ZBTB49: variants seen among roughly 807,000 people sequenced by gnomAD.
ZBTB49 encodes zinc finger and BTB domain-containing protein 49.
Under a neutral mutation model 57.5 loss-of-function variants are expected in ZBTB49, and 43 were observed. The observed-to-expected ratio is 0.75, with a 90% CI of 0.59 to 0.97. The LOEUF (loss-of-function observed/expected upper bound fraction) is 0.97, where lower values mean the gene tolerates loss of function less well. ZBTB49 is among the 50% of genes least tolerant of loss of function. ZBTB49 has a pLI of 0.00. For synonymous variants in ZBTB49, 369 were observed against 362.1 expected, an observed-to-expected ratio of 1.02 and a Z score of -0.22; for missense variants, 938 against 947.7, an observed-to-expected ratio of 0.99 and a Z score of 0.13.
chr4:4,299,803 G>GTGTC, intron 1 of ZBTB49, 124 bp from the exon 2 acceptor site: 1 of 742,542 alleles, frequency 1.3e-6, no homozygotes, highest in Non-Finnish European at 2.2e-6. Flanking sequence ...GTGTGTGTGT[G>GTGTC]TGTGTGTGAG....
At chr4:4,311,347 A>G (rs1720973668) in intron 4 of ZBTB49, among the ~76,000 whole-genome samples, 3 of 152,262 alleles carry the variant, frequency 2.0e-5, no homozygotes, top group Non-Finnish European at 4.4e-5. Context: ...AGATGGTGCT[A>G]TTCCGATTAT....
chr4:4,292,694 G>A (rs1034297592), intron 1 of ZBTB49, among the ~76,000 whole-genome samples: 1 of 152,198 alleles, frequency 6.6e-6, no homozygotes, highest in African/African-American at 2.4e-5. Flanking sequence ...ATGATGATGG[G>A]CAGACTCCTT....
At chr4:4,313,205 A>T in intron 5 of ZBTB49, 91 bp downstream of exon 5, 8 of 1,465,400 alleles carry the variant, frequency 5.5e-6, no homozygotes, top group Non-Finnish European at 6.6e-6. Flanking sequence ...GGTGGCTCAC[A>T]GATGAGCCAC....
At position 4,320,833 on chromosome 4, in the gene ZBTB49, C is replaced by T. The variant is rs1204949612; in HGVS notation, c.1815C>T (p.Thr605=). ...AGGAGCTCAGCCAAGCCATCGAGAC[C>T]TCCGACCTCGAGAAATCTCAGAGCT... is the stretch of plus-strand genomic sequence containing the variant. The part of the protein sequence containing the change: ...VLEELSQAIE[T]SDLEKSQSSD... The change falls in exon 8 of 8, where the codon ACC becomes ACT. Residue 605 remains threonine (T), a synonymous_variant. Coordinates refer to ENST00000337872, the MANE Select transcript of ZBTB49 (RefSeq NM_145291.4). The T allele has an allele frequency of 1.9e-6, 3 of 1,614,058 alleles. No homozygotes were observed. Among genetic ancestry groups the T allele is most frequent in the South Asian group, 2.2e-5 (2 of 91,082 alleles).
intron 1 of ZBTB49, among the ~76,000 whole-genome samples, chr4:4,292,079 C>T (rs563602462): frequency 6.6e-6 from 1 of 152,128 alleles, no homozygotes; most frequent in South Asian, 2.1e-4. Flanking sequence ...TTGACACCAG[C>T]CTGGCCAACA....
In ZBTB49 at chr4:4,302,831, G is replaced by T. The variant is rs1310667431; in HGVS notation, c.995G>T (p.Gly332Val). The change falls in exon 3 of 8, where the codon GGT becomes GTT. Residue 332 changes from glycine (G) to valine (V), a missense_variant. Gly to Val is a moderately radical substitution (Grantham distance 109). This residue lies in a region of ZBTB49 where 835 missense variants were observed against 819.1 expected (regional missense o/e 1.02). Coordinates refer to ENST00000337872, the MANE Select transcript of ZBTB49 (RefSeq NM_145291.4). ...EQVSEPKSDD[G>V]LTKRLESASK... ...GTATCTGAACCCAAGTCAGATGATG[G>T]TTTGACAAAGAGGTTGGAATCTGCT... The T allele has an allele frequency of 2.5e-6, 4 of 1,613,842 alleles. No individual in the cohort carries two copies. In the African/African-American group the frequency reaches 4.0e-5, roughly 16 times the overall value.
chr4:4,313,956 A>G (rs1168053293), intron 5 of ZBTB49, among the ~76,000 whole-genome samples: 3 of 152,196 alleles, frequency 2.0e-5, no homozygotes, highest in African/African-American at 7.2e-5. Flanking sequence ...AATAAACAGT[A>G]CAGAGTCTCT....
intron 3 of ZBTB49, among the ~76,000 whole-genome samples, chr4:4,303,756 C>G (rs201037626): frequency 0.4 from 37,218 of 93,266 alleles, 5,305 homozygotes; most frequent in Admixed American, 0.49. Flanking sequence ...CTCTCTCTCT[C>G]TCTCTGTGTG....
At chr4:4,291,655 G>C (rs193086459) in intron 1 of ZBTB49, among the ~76,000 whole-genome samples, 4 of 152,308 alleles carry the variant, frequency 2.6e-5, no homozygotes, top group Admixed American at 2.6e-4. Context: ...TTGTGCTCTC[G>C]TACTGTTTTT....
chr4:4,314,748 G>A (rs1486342460), intron 5 of ZBTB49, among the ~76,000 whole-genome samples: 2 of 152,238 alleles, frequency 1.3e-5, no homozygotes, highest in East Asian at 3.8e-4. Context: ...AAGCGTAGTG[G>A]AAAGGAAAGA....
chr4:4,291,190 C>A (rs1719889563), intron 1 of ZBTB49, among the ~76,000 whole-genome samples: 3 of 152,206 alleles, frequency 2.0e-5, no homozygotes, highest in Admixed American at 2.0e-4. Context: ...GTGGCTTAAA[C>A]AACAGAAATT....
At position 4,294,580 on chromosome 4, in the gene ZBTB49, C is replaced by T. The variant is rs200210541; in HGVS notation, c.-20+4228C>T. Among the ~76,000 whole-genome samples the T allele has an allele frequency of 4.6e-5, 7 of 152,228 alleles. No homozygotes were observed. The East Asian group carries it at 1.4e-3, about 29-fold the overall frequency. Reference sequence around the variant, plus strand: ...GTGTTGGCTAGACTGGTCTCGAACTCGTAGCCTTAGGTGATCCGCCTGCCT... The same window carrying T: ...GTGTTGGCTAGACTGGTCTCGAACTTGTAGCCTTAGGTGATCCGCCTGCCT... On this transcript the variant is annotated intron_variant, in intron 1 of 7. Transcript: ENST00000337872.
At chr4:4,295,662 G>A (rs2980164) in intron 1 of ZBTB49, among the ~76,000 whole-genome samples, 109,361 of 152,114 alleles carry the variant, frequency 0.72, 41,479 homozygotes, top group Non-Finnish European at 0.83. Flanking sequence ...GCCTACCATC[G>A]TGCCTTTCTT....
At chr4:4,316,471 C>T (rs545038949) in intron 7 of ZBTB49, among the ~76,000 whole-genome samples, 1 of 152,278 alleles carries the variant, frequency 6.6e-6, no homozygotes, top group Admixed American at 6.5e-5. Context: ...GATGAGGACA[C>T]GGAGGCTCAG....
At chr4:4,296,506 A>G (rs1199235327) in intron 1 of ZBTB49, among the ~76,000 whole-genome samples, 3 of 152,194 alleles carry the variant, frequency 2.0e-5, no homozygotes, top group African/African-American at 7.2e-5. Flanking sequence ...GCTGCCATCC[A>G]TGTAGGACAT....
rs1934474281 is a variant in ZBTB49 at position 4,302,376 on chromosome 4, A to G, written c.540A>G (p.Ser180=). 2 of 1,614,266 alleles carry G rather than the reference A, an allele frequency of 1.2e-6. No homozygotes were observed. The highest frequency in any genetic ancestry group is 1.7e-6 in the Non-Finnish European group (2 of 1,180,048). ...AATCGCATCCGCATGCTTCACCATC[A>G]GTTAATCGTCATCACTCCGCAGGTG... ...LDESHPHASP[S]VNRHHSAGEI... is the part of the protein sequence containing the mutation. The change falls in exon 3 of 8, where the codon TCA becomes TCG. Residue 180 remains serine (S), a synonymous_variant. Transcript: ENST00000337872.
chr4:4,305,084 T>C (rs981840408), intron 3 of ZBTB49, among the ~76,000 whole-genome samples: 1 of 152,116 alleles, frequency 6.6e-6, no homozygotes, highest in Non-Finnish European at 1.5e-5. Flanking sequence ...TAACTTATTA[T>C]CTGTCACCCC....
At chr4:4,295,785 C>T (rs1720168825) in intron 1 of ZBTB49, among the ~76,000 whole-genome samples, 1 of 152,064 alleles carries the variant, frequency 6.6e-6, no homozygotes, top group South Asian at 2.1e-4. Flanking sequence ...ATGCCAATAC[C>T]CCAAACCCTA....
intron 1 of ZBTB49, among the ~76,000 whole-genome samples, chr4:4,295,012 A>G (rs188434193): frequency 2.0e-4 from 30 of 151,980 alleles, no homozygotes; most frequent in Non-Finnish European, 3.7e-4. Flanking sequence ...GGCACATAAT[A>G]GTTGTATGAT....
Sources: gnomAD v4.1 joint callset for allele counts (sites outside exome capture counted in the v4.1 genomes callset) on GRCh38, gnomAD v4.1.1 for gene constraint, gnomAD v4.1.1 regional missense constraint, MANE v1.5 for transcripts, NCBI Gene and HGNC (gene_info 2026-07-23, HGNC 2026-07-21) for gene names.